Variants in CENPU observed in about 807,000 individuals in gnomAD.
The protein encoded by CENPU is centromere protein U.
Under a neutral mutation model 56.7 loss-of-function variants are expected in CENPU, and 46 were observed. That is an observed-to-expected ratio of 0.81 (90% CI 0.64 to 1.04). The LOEUF (loss-of-function observed/expected upper bound fraction) is 1.04, where lower values mean the gene tolerates loss of function less well. Among genes scored for constraint, CENPU ranks in the 50% least tolerant of loss-of-function variants. The probability of loss-of-function intolerance (pLI) is 0.00; values close to 1 mark genes in which losing one functional copy is unlikely to be tolerated. For missense variants in CENPU, 510 were observed against 490.1 expected, an observed-to-expected ratio of 1.04 and a Z score of -0.38; for synonymous variants, 166 against 163.0, an observed-to-expected ratio of 1.02 and a Z score of -0.14.
rs981045334 is a variant in CENPU at position 184,694,279 on chromosome 4, T to C, written c.*1009A>G. On this transcript the variant is annotated 3_prime_UTR_variant, in exon 13 of 13. Transcript: ENST00000281453. ...CCGTCGGGGAGTATTGAAAAGTATG[T>C]GCACAGAACTGTAGGTAATTTCAAA... The C allele has an allele frequency of 3.2e-6, 4 of 1,252,332 alleles. No homozygotes were observed. In the Admixed American group the frequency reaches 1.4e-4, roughly 45 times the overall value. 77.6% of individuals were successfully genotyped at this position (1,252,332 alleles called of 1,614,324 possible).
Position 184,713,015 on chromosome 4 carries a change from T to C in CENPU, c.619-2A>G. ...TATCTTCCCTTTTTTCTGAGTTTTC[T>C]ACAAAAAAAAAAAGCATTAAGTTTT... On this transcript the variant is annotated splice_acceptor_variant, in intron 6 of 12. Transcript: ENST00000281453. LOFTEE classifies it high-confidence loss of function. 1.3e-6 allele frequency: 2 copies of C among 1,530,706 alleles called. No homozygotes were observed. The highest frequency in any genetic ancestry group is 1.8e-6 in the Non-Finnish European group (2 of 1,130,846). 94.8% of individuals were successfully genotyped at this position (1,530,706 alleles called of 1,614,324 possible).
Position 184,697,761 on chromosome 4 carries a change from TTCA to T in CENPU, c.1026_1028del (p.Asp342del). On this transcript the variant is annotated inframe_deletion, in exon 12 of 13. Coordinates refer to ENST00000281453, the MANE Select transcript of CENPU (RefSeq NM_024629.4). ...TAAGGGAAGACTTTCTCTCTTTAAG[TTCA>T]TCATATTTTGTTTGTAGTTGTTTCA... 1.9e-6 allele frequency: 3 copies of T among 1,610,310 alleles called. No individual in the cohort carries two copies. The highest frequency in any genetic ancestry group is 4.5e-5 in the East Asian group (2 of 44,868).
At chr4:184,732,839 T>G (rs886976670) in intron 1 of CENPU, among the ~76,000 whole-genome samples, 2 of 152,148 alleles carry the variant, frequency 1.3e-5, no homozygotes, top group South Asian at 4.2e-4. Flanking sequence ...CCGTCTTTAC[T>G]AAAAATACAA....
intron 8 of CENPU, among the ~76,000 whole-genome samples, chr4:184,708,512 T>G (rs1760806374): frequency 6.6e-6 from 1 of 151,132 alleles, no homozygotes; most frequent in Non-Finnish European, 1.5e-5. Context: ...TCAGACTCAA[T>G]ATAGTGAAAT....
In CENPU at chr4:184,702,142, C is replaced by G. The variant is rs766948712; in HGVS notation, c.877-6G>C. 2.5e-6 allele frequency: 4 copies of G among 1,598,728 alleles called. No individual in the cohort carries two copies. The highest frequency in any genetic ancestry group is 3.4e-6 in the Non-Finnish European group (4 of 1,169,810). ...AACATCTGGCTTTCTTTAAGCTACA[C>G]AAAACAAAAAATACACATGTACATC... On this transcript the variant is annotated splice_region_variant and splice_polypyrimidine_tract_variant and intron_variant, in intron 9 of 12. Transcript: ENST00000281453.
intron 2 of CENPU, among the ~76,000 whole-genome samples, chr4:184,729,317 C>T (rs1761559612): frequency 1.3e-5 from 2 of 152,204 alleles, no homozygotes; most frequent in Non-Finnish European, 1.5e-5. Flanking sequence ...TTTTTGATAA[C>T]CTAAGGCATG....
At chr4:184,709,723 T>C (rs1354161807) in intron 8 of CENPU, among the ~76,000 whole-genome samples, 1 of 151,562 alleles carries the variant, frequency 6.6e-6, no homozygotes, top group Non-Finnish European at 1.5e-5. Flanking sequence ...TAATTAGAGA[T>C]TCTATCTAGA....
At chr4:184,697,586 C>G in intron 12 of CENPU, 61 bp downstream of exon 12, 1 of 1,487,006 alleles carries the variant, frequency 6.7e-7, no homozygotes, top group Non-Finnish European at 9.3e-7. Context: ...GATACTCTAG[C>G]ATGAAAATGC....
At chr4:184,698,152 C>CT (rs1201775171) in intron 11 of CENPU, 2 of 178,304 alleles carry the variant, frequency 1.1e-5, no homozygotes, top group Non-Finnish European at 2.3e-5. Flanking sequence ...GCACTACAGT[C>CT]TAACACAGAA....
rs139337003 is a variant in CENPU at position 184,705,753 on chromosome 4, T to A, written c.798-3312A>T. Reference sequence around the variant, plus strand: ...TAAACAATGAATGGAGGAATGGTTATCTGTATATACACAATACACAGCCTT... The same window carrying A: ...TAAACAATGAATGGAGGAATGGTTAACTGTATATACACAATACACAGCCTT... On this transcript the variant is annotated intron_variant, in intron 8 of 12. Transcript: ENST00000281453. Among the ~76,000 whole-genome samples, 494 of 152,324 alleles carry A rather than the reference T, an allele frequency of 3.2e-3. 2 individuals are homozygous for A. Among genetic ancestry groups the A allele is most frequent in the Middle Eastern group, 0.02 (6 of 294 alleles).
chr4:184,730,068 A>AG (rs1274081024), intron 2 of CENPU, among the ~76,000 whole-genome samples: 1 of 152,192 alleles, frequency 6.6e-6, no homozygotes, highest in African/African-American at 2.4e-5. Flanking sequence ...CCCAAGGCAT[A>AG]GGGGGCCTCC....
intron 7 of CENPU, 98 bp downstream of exon 7, chr4:184,712,846 G>T: frequency 2.5e-6 from 2 of 796,940 alleles, no homozygotes; most frequent in Non-Finnish European, 4.0e-6. Context: ...GCAATTTTAT[G>T]TACTTACAAT....
rs79553105 is a variant in CENPU at position 184,703,599 on chromosome 4, A to C, written c.798-1158T>G. On this transcript the variant is annotated intron_variant, in intron 8 of 12. Coordinates refer to ENST00000281453, the MANE Select transcript of CENPU (RefSeq NM_024629.4). ...GAAAACAGTATTGGCAGTTCCAAAA[A>C]AATAAATAAATTAAATTAATTAAAC... 2.1e-3 allele frequency among the ~76,000 whole-genome samples: 321 copies of C among 152,352 alleles called. 8 individuals carry two copies. The East Asian group carries it at 0.045, about 21-fold the overall frequency.
chr4:184,721,484 C>G (rs1430189937), intron 4 of CENPU, among the ~76,000 whole-genome samples: 4 of 122,160 alleles, frequency 3.3e-5, no homozygotes, highest in African/African-American at 1.5e-4. Flanking sequence ...AAAAAGGACC[C>G]AATGATTTGT....
At chr4:184,696,342 C>T (rs931623385) in intron 12 of CENPU, among the ~76,000 whole-genome samples, 1 of 152,146 alleles carries the variant, frequency 6.6e-6, no homozygotes, top group African/African-American at 2.4e-5. Flanking sequence ...ACAGTTAATA[C>T]AAGAGGAGTG....
At chr4:184,715,941 T>A (rs375231716) in intron 6 of CENPU, among the ~76,000 whole-genome samples, 20,441 of 151,238 alleles carry the variant, frequency 0.14, 1,499 homozygotes, top group Middle Eastern at 0.17. Context: ...TTTTTTGTTT[T>A]TTTTTTTTTA....
At chr4:184,703,139 C>T (rs897638706) in intron 8 of CENPU, among the ~76,000 whole-genome samples, 1 of 152,118 alleles carries the variant, frequency 6.6e-6, no homozygotes, top group African/African-American at 2.4e-5. Context: ...TCCCTAAGCC[C>T]TCTGGTACGG....
At chr4:184,720,764 C>T (rs1042995579) in intron 4 of CENPU, among the ~76,000 whole-genome samples, 3 of 151,956 alleles carry the variant, frequency 2.0e-5, no homozygotes, top group Non-Finnish European at 4.4e-5. Context: ...AAACTTTTAC[C>T]CTAGAATAAT....
chr4:184,733,338 T>C lies in CENPU; in HGVS notation c.47+678A>G, dbSNP rs137933243. 2.3e-5 allele frequency: 23 copies of C among 986,600 alleles called. No homozygotes were observed. The African/African-American group carries it at 4.0e-4, about 17-fold the overall frequency. 61.1% of individuals were successfully genotyped at this position (986,600 alleles called of 1,614,324 possible). A position where few individuals can be genotyped will look rare whatever the true frequency, so the allele number is the denominator to read the frequency against. On this transcript the variant is annotated intron_variant, in intron 1 of 12. Transcript: ENST00000281453. ...GCCTTCCCAGGCCCGGGGGAACTCC[T>C]GTTCTCTTCAGATCGTCTTGGCGTA...
Sources: allele counts gnomAD v4.1 joint callset (sites outside exome capture counted in the v4.1 genomes callset), GRCh38; gene constraint gnomAD v4.1.1; transcripts MANE v1.5; gene names NCBI Gene and HGNC (gene_info 2026-07-23, HGNC 2026-07-21).